The following GPAT3 variants were observed in gnomAD, a reference collection of about 807,000 sequenced individuals.
The protein encoded by GPAT3 is 1-AGP acyltransferase 9.
Under a neutral mutation model 58.8 loss-of-function variants are expected in GPAT3, and 53 were observed. The ratio of observed to expected loss-of-function variants is 0.90; its 90% CI spans 0.72 to 1.13. GPAT3 has a LOEUF of 1.13. Among genes scored for constraint, GPAT3 ranks in the 50% most tolerant of loss-of-function variants. The pLI is 0.00. For synonymous variants in GPAT3, 197 were observed against 187.4 expected, an observed-to-expected ratio of 1.05 and a Z score of -0.42; for missense variants, 511 against 527.6, an observed-to-expected ratio of 0.97 and a Z score of 0.31.
intron 11 of GPAT3, among the ~76,000 whole-genome samples, chr4:83,599,347 A>T (rs1726969635): frequency 6.6e-6 from 1 of 152,128 alleles, no homozygotes; most frequent in Admixed American, 6.6e-5. Context: ...GGCTATGAGG[A>T]AGGAATTTTA....
chr4:83,552,140 C>T (rs1479219413), intron 2 of GPAT3, among the ~76,000 whole-genome samples: 1 of 152,146 alleles, frequency 6.6e-6, no homozygotes, highest in Non-Finnish European at 1.5e-5. Flanking sequence ...AATAAAAATA[C>T]ATTACCTCTT....
In GPAT3 at chr4:83,598,588, G is replaced by T. The variant is rs568073705; in HGVS notation, c.1126-56G>T. On this transcript the variant is annotated intron_variant, in intron 10 of 11. Coordinates refer to ENST00000264409, the MANE Select transcript of GPAT3 (RefSeq NM_032717.5). ...AACAAATACAAATGATTATGAGATG[G>T]TATTAAAAACTCGATAACTAAGATA... is the stretch of plus-strand genomic sequence containing the variant. The T allele has an allele frequency of 3.8e-6, 5 of 1,306,384 alleles. No individual in the cohort carries two copies. In the East Asian group the frequency reaches 9.3e-5, roughly 24 times the overall value. The allele number at this position is 1,306,384 out of a possible 1,614,324, so 80.9% of individuals were successfully genotyped here.
intron 2 of GPAT3, among the ~76,000 whole-genome samples, chr4:83,559,618 C>T (rs936124644): frequency 4.6e-5 from 7 of 152,196 alleles, no homozygotes; most frequent in South Asian, 2.1e-4. Context: ...CCAGTGCACC[C>T]GGAGAAAGCA....
intron 2 of GPAT3, among the ~76,000 whole-genome samples, chr4:83,562,204 A>ATCTATAT (rs5859880): frequency 2.6e-5 from 1 of 38,486 alleles, no homozygotes; most frequent in Non-Finnish European, 5.3e-5. Context: ...TATATAATAT[A>ATCTATAT]TATATATTAT....
intron 6 of GPAT3, among the ~76,000 whole-genome samples, chr4:83,590,622 T>C (rs992186084): frequency 6.6e-6 from 1 of 152,224 alleles, no homozygotes; most frequent in African/African-American, 2.4e-5. Flanking sequence ...AAATTCTTTC[T>C]TTTTACAGTT....
At chr4:83,554,492 A>T (rs1029100395) in intron 2 of GPAT3, among the ~76,000 whole-genome samples, 9 of 152,172 alleles carry the variant, frequency 5.9e-5, no homozygotes, top group African/African-American at 2.2e-4. Flanking sequence ...TTTAGGCAAG[A>T]ACCTGTCAAT....
At chr4:83,585,299 G>T (rs941660667) in intron 3 of GPAT3, among the ~76,000 whole-genome samples, 6 of 149,810 alleles carry the variant, frequency 4.0e-5, no homozygotes, top group Admixed American at 4.0e-4. Flanking sequence ...ATTAGTTATA[G>T]TAATATATCA....
chr4:83,597,463 T>C lies in GPAT3; in HGVS notation c.944T>C (p.Phe315Ser). Residue 315 changes from phenylalanine (F) to serine (S), a missense_variant, in exon 9 of 12, where the codon TTT (phenylalanine) becomes TCT (serine). Coordinates refer to ENST00000264409, the MANE Select transcript of GPAT3 (RefSeq NM_032717.5). ...ATCAACAATACTTCAGTCATGATGT[T>C]TAAAAAGGGGAGCTTTGAAATTGGA... ...TCINNTSVMM[F>S]KKGSFEIGGT... is the part of the protein sequence containing the mutation. 6.3e-7 allele frequency: 1 copy of C among 1,575,394 alleles called. No homozygotes were observed. The highest frequency in any genetic ancestry group is 8.6e-7 in the Non-Finnish European group (1 of 1,159,836).
chr4:83,546,133 C>T lies in GPAT3; in HGVS notation c.208+1531C>T, dbSNP rs202138411. ...CTGAGTAGCTGGGACTACAGGCGTGCGCCACCATGCCTGGCTAATTTTTGT... is the reference window on the plus strand; with the variant it reads ...CTGAGTAGCTGGGACTACAGGCGTGTGCCACCATGCCTGGCTAATTTTTGT... On this transcript the variant is annotated intron_variant, in intron 2 of 11. Coordinates refer to ENST00000264409, the MANE Select transcript of GPAT3 (RefSeq NM_032717.5). Among the ~76,000 whole-genome samples the T allele has an allele frequency of 5.6e-4, 85 of 152,098 alleles. 1 individual carries two copies. Among genetic ancestry groups the T allele is most frequent in the African/African-American group, 1.9e-3 (80 of 41,494 alleles).
At chr4:83,597,936 AC>A in intron 9 of GPAT3, 114 bp from the exon 10 acceptor site, 1 of 1,223,496 alleles carries the variant, frequency 8.2e-7, no homozygotes, top group Non-Finnish European at 1.1e-6. Flanking sequence ...AAGTGAAATA[AC>A]TTTTTTTTTC....
intron 1 of GPAT3, among the ~76,000 whole-genome samples, chr4:83,538,257 C>A (rs1724175810): frequency 2.6e-5 from 4 of 152,182 alleles, no homozygotes; most frequent in Non-Finnish European, 4.4e-5. Flanking sequence ...GTGGCTATTT[C>A]TTTGCCTAGA....
chr4:83,564,346 T>A (rs753978232), intron 2 of GPAT3, among the ~76,000 whole-genome samples: 2 of 152,198 alleles, frequency 1.3e-5, no homozygotes, highest in Admixed American at 6.5e-5. Flanking sequence ...TCTACTCATG[T>A]TTTTTGACCA....
At chr4:83,544,181 T>C (rs1724416439) in intron 1 of GPAT3, among the ~76,000 whole-genome samples, 1 of 152,212 alleles carries the variant, frequency 6.6e-6, no homozygotes, top group Non-Finnish European at 1.5e-5. Flanking sequence ...CGGAGGCCTA[T>C]AGGGAATAAG....
rs115541922 is a variant in GPAT3, at chr4:83,542,089, C to T, written c.142-2447C>T. ...GAATTTCGGAGGGACATAATTCAGC[C>T]CATAACAGGCACGGAATACCAGCAT... On this transcript the variant is annotated intron_variant, in intron 1 of 11. Transcript: ENST00000264409. Among the ~76,000 whole-genome samples, 1,398 of 152,158 alleles carry T rather than the reference C, an allele frequency of 9.2e-3. 12 individuals are homozygous for T. Among genetic ancestry groups the T allele is most frequent in the Non-Finnish European group, 0.014 (952 of 68,002 alleles).
intron 3 of GPAT3, among the ~76,000 whole-genome samples, chr4:83,585,624 T>C (rs1021035326): frequency 3.9e-5 from 6 of 152,018 alleles, no homozygotes; most frequent in African/African-American, 1.4e-4. Context: ...TCTTTTTTTT[T>C]TTTTGAGACA....
chr4:83,559,917 T>G (rs536610404), intron 2 of GPAT3, among the ~76,000 whole-genome samples: 4 of 152,284 alleles, frequency 2.6e-5, no homozygotes, highest in African/African-American at 4.8e-5. Context: ...GACAGCCAAT[T>G]GGACTTGTGA....
At chr4:83,572,383 T>C (rs1017234712) in intron 2 of GPAT3, among the ~76,000 whole-genome samples, 20 of 152,228 alleles carry the variant, frequency 1.3e-4, no homozygotes, top group African/African-American at 4.8e-4. Flanking sequence ...TTAAGCATAG[T>C]ATTAATTTTT....
intron 2 of GPAT3, among the ~76,000 whole-genome samples, chr4:83,572,484 T>C (rs1201686036): frequency 6.6e-6 from 1 of 152,210 alleles, no homozygotes; most frequent in Non-Finnish European, 1.5e-5. Flanking sequence ...ATTCTTTTTT[T>C]TCAGGTTTTC....
chr4:83,572,210 C>G (rs1725634863), intron 2 of GPAT3, among the ~76,000 whole-genome samples: 6 of 152,104 alleles, frequency 3.9e-5, no homozygotes. Context: ...TTAGCTCAAC[C>G]CTTTTCTCTC....
Sources: allele counts gnomAD v4.1 joint callset (sites outside exome capture counted in the v4.1 genomes callset), GRCh38; gene constraint gnomAD v4.1.1; transcripts MANE v1.5; gene names NCBI Gene and HGNC (gene_info 2026-07-23, HGNC 2026-07-21).